The following PLCB4 variants were observed in gnomAD, a reference collection of about 807,000 sequenced individuals.
The protein encoded by PLCB4 is 1-phosphatidylinositol 4,5-bisphosphate phosphodiesterase beta-4.
A neutral mutation model predicts 178.8 loss-of-function variants in PLCB4; 77 were observed. The ratio of observed to expected loss-of-function variants is 0.43; its 90% CI spans 0.36 to 0.52. PLCB4 has a LOEUF of 0.52. PLCB4 is among the 20% of genes least tolerant of loss of function. The pLI is 0.00. For missense variants in PLCB4, 1,024 were observed against 1,453.4 expected (o/e 0.70, Z 4.80); for synonymous variants, 496 against 490.8 (o/e 1.01, Z -0.14).
intron 3 of PLCB4, among the ~76,000 whole-genome samples, chr20:9,251,643 T>G (rs1332024874): frequency 6.6e-6 from 1 of 152,186 alleles, no homozygotes; most frequent in Admixed American, 6.5e-5. Flanking sequence ...CTCCCTTTTT[T>G]TACTAACTTC....
chr20:9,126,180 A>G (rs1445329843), intron 2 of PLCB4, among the ~76,000 whole-genome samples: 1 of 152,232 alleles, frequency 6.6e-6, no homozygotes, highest in Admixed American at 6.5e-5. Context: ...CTACTTTTCT[A>G]TAAACGAATT....
At chr20:9,285,301 G>A (rs1390371659) in intron 3 of PLCB4, among the ~76,000 whole-genome samples, 1 of 151,854 alleles carries the variant, frequency 6.6e-6, no homozygotes, top group Non-Finnish European at 1.5e-5. Flanking sequence ...AATTTGATTA[G>A]AGCCAACTTA....
chr20:9,223,332 A>G (rs2093822625), intron 3 of PLCB4, among the ~76,000 whole-genome samples: 1 of 152,210 alleles, frequency 6.6e-6, no homozygotes, highest in Non-Finnish European at 1.5e-5. Context: ...TATAGTATAT[A>G]CGTTGGGACC....
chr20:9,429,163 A>C (rs771362626), intron 28 of PLCB4, among the ~76,000 whole-genome samples: 9 of 152,210 alleles, frequency 5.9e-5, no homozygotes, highest in Non-Finnish European at 1.0e-4. Context: ...TTTCTTTTAA[A>C]AAGAGAGGTT....
At chr20:9,262,833 G>A (rs186078527) in intron 3 of PLCB4, among the ~76,000 whole-genome samples, 49 of 152,148 alleles carry the variant, frequency 3.2e-4, no homozygotes, top group African/African-American at 1.1e-3. Context: ...ACTCTCTCAA[G>A]CTGCTTTAAG....
intron 3 of PLCB4, among the ~76,000 whole-genome samples, chr20:9,224,832 A>T (rs2093843536): frequency 6.6e-6 from 1 of 152,200 alleles, no homozygotes; most frequent in Non-Finnish European, 1.5e-5. Flanking sequence ...TCAACATTCT[A>T]CCAAATACTG....
chr20:9,292,422 A>G (rs1248049429), intron 3 of PLCB4, among the ~76,000 whole-genome samples: 6 of 152,066 alleles, frequency 3.9e-5, no homozygotes, highest in Non-Finnish European at 8.8e-5. Context: ...GTCTCCTCTA[A>G]AGAGACAGTC....
chr20:9,433,855 A>G (rs934055468), intron 28 of PLCB4, among the ~76,000 whole-genome samples: 22 of 152,308 alleles, frequency 1.4e-4, no homozygotes, highest in African/African-American at 5.3e-4. Context: ...ATGGGTGATA[A>G]AAACAGACCT....
In PLCB4 at chr20:9,458,786, C is replaced by A. The variant is rs150833524; in HGVS notation, c.3073-849C>A. ...ATTGGCTAAAGCAAGTCACAGGTCA[C>A]CCAGCTTCAAGGAGCTGGAGAAACA... On this transcript the variant is annotated intron_variant, in intron 34 of 39. Transcript: ENST00000378473. Among the ~76,000 whole-genome samples, 413 of 152,258 alleles carry A rather than the reference C, an allele frequency of 2.7e-3. 1 individual carries two copies. The highest frequency in any genetic ancestry group is 9.4e-3 in the African/African-American group (391 of 41,540).
intron 30 of PLCB4, among the ~76,000 whole-genome samples, chr20:9,443,702 C>G (rs1014806029): frequency 6.6e-6 from 1 of 152,070 alleles, no homozygotes; most frequent in African/African-American, 2.4e-5. Flanking sequence ...CTTTCATTCC[C>G]TTAGGGGTTT....
At chr20:9,399,906 A>C (rs1178377843) in intron 19 of PLCB4, among the ~76,000 whole-genome samples, 4 of 152,234 alleles carry the variant, frequency 2.6e-5, no homozygotes, top group Non-Finnish European at 4.4e-5. Context: ...TCCTGGAAGA[A>C]CTATGTTAAG....
Position 9,380,081 on chromosome 20 carries a change from A to T in PLCB4, c.772A>T (p.Ile258Phe). 7 of 1,593,970 alleles carry T rather than the reference A, an allele frequency of 4.4e-6. No homozygotes were observed. The highest frequency in any genetic ancestry group is 6.0e-6 in the Non-Finnish European group (7 of 1,165,592). Reference protein sequence around the residue: ...EHQRDPRLNEILFPFYDAKRA... With the variant: ...EHQRDPRLNEFLFPFYDAKRA... Reference sequence around the variant, plus strand: ...TCAACGAGATCCTCGATTGAATGAAATTTTATTTCCATTTTATGATGCCAA... The same window carrying T: ...TCAACGAGATCCTCGATTGAATGAATTTTTATTTCCATTTTATGATGCCAA... Residue 258 changes from isoleucine (I) to phenylalanine (F), a missense_variant, in exon 13 of 40, where the codon ATT becomes TTT. Ile to Phe is a conservative substitution (Grantham distance 21, BLOSUM62 0). Transcript: ENST00000378473.
intron 2 of PLCB4, among the ~76,000 whole-genome samples, chr20:9,161,324 C>T (rs2033932823): frequency 2.0e-5 from 3 of 152,156 alleles, no homozygotes; most frequent in Non-Finnish European, 4.4e-5. Flanking sequence ...CTAAGTGGTT[C>T]ATGGTTTTTA....
chr20:9,315,459 C>T (rs2094888717), intron 4 of PLCB4, among the ~76,000 whole-genome samples: 1 of 152,108 alleles, frequency 6.6e-6, no homozygotes, highest in African/African-American at 2.4e-5. Flanking sequence ...AACCAATAAG[C>T]ATAGAAATGA....
intron 30 of PLCB4, 21 bp downstream of exon 30, chr20:9,437,173 T>A (rs1414349428): frequency 6.2e-7 from 1 of 1,607,912 alleles, no homozygotes; most frequent in South Asian, 1.1e-5. Context: ...GCCGTTGGGT[T>A]CCTTATCTTC....
chr20:9,381,087 G>C (rs1331180635), intron 13 of PLCB4, among the ~76,000 whole-genome samples: 3 of 152,014 alleles, frequency 2.0e-5, no homozygotes, highest in African/African-American at 4.8e-5. Context: ...AGTTGTAGTT[G>C]TACAGTTTAC....
At chr20:9,423,692 C>A in intron 27 of PLCB4, 56 bp from the exon 28 acceptor site, 1 of 1,371,100 alleles carries the variant, frequency 7.3e-7, no homozygotes, top group Non-Finnish European at 1.0e-6. Context: ...TCCTTAGAGT[C>A]ATGGTTCTTG....
chr20:9,355,567 A>G (rs918873714), intron 7 of PLCB4, among the ~76,000 whole-genome samples: 1 of 151,120 alleles, frequency 6.6e-6, no homozygotes, highest in East Asian at 2.0e-4. Flanking sequence ...TGTCCTTGTG[A>G]TAGTTTACTG....
chr20:9,385,900 A>G (rs1602279896), intron 14 of PLCB4, among the ~76,000 whole-genome samples: 1 of 152,190 alleles, frequency 6.6e-6, no homozygotes, highest in Admixed American at 6.5e-5. Context: ...AGGCCAAGGC[A>G]GGCGGCTGGA....
Sources: gnomAD v4.1 joint callset for allele counts (sites outside exome capture counted in the v4.1 genomes callset) on GRCh38, gnomAD v4.1.1 for gene constraint, MANE v1.5 for transcripts, NCBI Gene and HGNC (gene_info 2026-07-23, HGNC 2026-07-21) for gene names.